Variants in GRID2 observed in about 807,000 individuals in gnomAD.
The protein encoded by GRID2 is glutamate ionotropic receptor delta type subunit 2.
A neutral mutation model predicts 114.8 loss-of-function variants in GRID2; 33 were observed. The observed-to-expected ratio is 0.29, with a 90% CI of 0.22 to 0.38. The LOEUF is 0.38. GRID2 is among the 10% of genes least tolerant of loss of function. The pLI, the probability that GRID2 is intolerant of heterozygous loss-of-function variation, is 1.00. For missense variants in GRID2, 1,184 were observed against 1,257.7 expected, an observed-to-expected ratio of 0.94 and a Z score of 0.89; for synonymous variants, 505 against 449.9, an observed-to-expected ratio of 1.12 and a Z score of -1.55.
intron 2 of GRID2, among the ~76,000 whole-genome samples, chr4:92,755,125 C>T (rs1014757524): frequency 2.0e-5 from 3 of 152,070 alleles, no homozygotes; most frequent in Non-Finnish European, 4.4e-5. Context: ...TGGCCTTTTC[C>T]CAGGGGTCTA....
intron 1 of GRID2, among the ~76,000 whole-genome samples, chr4:92,567,964 T>C (rs1727416929): frequency 6.6e-6 from 1 of 151,960 alleles, no homozygotes; most frequent in Admixed American, 6.6e-5. Flanking sequence ...AGTTAAGATA[T>C]GTAATGCATC....
At chr4:92,961,615 TC>T (rs1157705032) in intron 2 of GRID2, among the ~76,000 whole-genome samples, 1 of 151,726 alleles carries the variant, frequency 6.6e-6, no homozygotes, top group Non-Finnish European at 1.5e-5. Flanking sequence ...ATTTTGATTT[TC>T]TTCAATTTAA....
intron 1 of GRID2, among the ~76,000 whole-genome samples, chr4:92,357,191 C>T (rs934311034): frequency 1.3e-5 from 2 of 151,860 alleles, no homozygotes; most frequent in African/African-American, 2.4e-5. Flanking sequence ...TTATACCTAA[C>T]GTAAATGGTA....
At chr4:92,902,103 A>G (rs991562437) in intron 2 of GRID2, among the ~76,000 whole-genome samples, 1 of 152,104 alleles carries the variant, frequency 6.6e-6, no homozygotes, top group Non-Finnish European at 1.5e-5. Context: ...AACAGCAGAA[A>G]CCACAATTAC....
chr4:92,475,428 G>A (rs1220287297), intron 1 of GRID2, among the ~76,000 whole-genome samples: 3 of 151,410 alleles, frequency 2.0e-5, no homozygotes, highest in African/African-American at 7.3e-5. Flanking sequence ...TGAAGAGAAT[G>A]TCCTTTCCCC....
chr4:92,790,157 A>C (rs974253991), intron 2 of GRID2, among the ~76,000 whole-genome samples: 2 of 151,816 alleles, frequency 1.3e-5, no homozygotes, highest in African/African-American at 4.8e-5. Flanking sequence ...TATACATATA[A>C]GTATATACAC....
intron 14 of GRID2, among the ~76,000 whole-genome samples, chr4:93,658,008 A>G (rs1723166773): frequency 6.6e-6 from 1 of 152,214 alleles, no homozygotes; most frequent in East Asian, 1.9e-4. Context: ...ATTCATTTCT[A>G]CTTCCATTGG....
At chr4:93,707,398 G>A (rs1422212551) in intron 14 of GRID2, among the ~76,000 whole-genome samples, 2 of 151,984 alleles carry the variant, frequency 1.3e-5, no homozygotes, top group Non-Finnish European at 2.9e-5. Flanking sequence ...GATCTATTCA[G>A]GTTTTGAATT....
intron 13 of GRID2, among the ~76,000 whole-genome samples, chr4:93,594,159 T>C (rs1279462869): frequency 1.3e-5 from 2 of 151,924 alleles, no homozygotes; most frequent in Non-Finnish European, 2.9e-5. Flanking sequence ...AGTTTTTCTG[T>C]TCTGTCTTTT....
chr4:92,880,423 C>T (rs1035467928), intron 2 of GRID2, among the ~76,000 whole-genome samples: 1 of 152,148 alleles, frequency 6.6e-6, no homozygotes, highest in African/African-American at 2.4e-5. Flanking sequence ...TTTCCACCTT[C>T]TGACTAGATA....
intron 9 of GRID2, among the ~76,000 whole-genome samples, chr4:93,408,258 G>C (rs775481836): frequency 1.3e-5 from 2 of 152,210 alleles, no homozygotes; most frequent in South Asian, 2.1e-4. Flanking sequence ...GATGCACTTC[G>C]ATACACGTCT....
At chr4:92,331,645 A>G (rs1726894147) in intron 1 of GRID2, among the ~76,000 whole-genome samples, 1 of 152,180 alleles carries the variant, frequency 6.6e-6, no homozygotes. Flanking sequence ...AATTTATATA[A>G]AAAACAGTCA....
chr4:92,463,779 T>C (rs1465008331), intron 1 of GRID2, among the ~76,000 whole-genome samples: 1 of 152,022 alleles, frequency 6.6e-6, no homozygotes, highest in Non-Finnish European at 1.5e-5. Flanking sequence ...ACTATTTTAA[T>C]AGGTATTTAA....
At chr4:92,467,915 G>A (rs1009223403) in intron 1 of GRID2, among the ~76,000 whole-genome samples, 2 of 151,962 alleles carry the variant, frequency 1.3e-5, no homozygotes, top group Non-Finnish European at 2.9e-5. Flanking sequence ...TTGGAAATGA[G>A]TGATATGGAA....
intron 10 of GRID2, among the ~76,000 whole-genome samples, chr4:93,433,316 G>A (rs1468580345): frequency 6.6e-6 from 1 of 152,138 alleles, no homozygotes; most frequent in Non-Finnish European, 1.5e-5. Flanking sequence ...AGGTCTCAAA[G>A]TTTTCAGAGA....
intron 14 of GRID2, among the ~76,000 whole-genome samples, chr4:93,676,885 G>A (rs925657495): frequency 6.6e-6 from 1 of 152,100 alleles, no homozygotes; most frequent in African/African-American, 2.4e-5. Context: ...TTCCATCTGA[G>A]GTACCGGGTT....
intron 3 of GRID2, among the ~76,000 whole-genome samples, chr4:93,097,866 A>G (rs1366761238): frequency 6.6e-6 from 1 of 151,984 alleles, no homozygotes; most frequent in Non-Finnish European, 1.5e-5. Flanking sequence ...ATAATATTAA[A>G]TAAGTAGTCT....
chr4:92,536,286 C>T (rs1342844593), intron 1 of GRID2, among the ~76,000 whole-genome samples: 4 of 152,098 alleles, frequency 2.6e-5, no homozygotes, highest in African/African-American at 7.2e-5. Flanking sequence ...ATTAGCTAGA[C>T]ACAGAGTGCT....
chr4:92,867,041 G>A (rs151065134), intron 2 of GRID2, among the ~76,000 whole-genome samples: 40 of 152,068 alleles, frequency 2.6e-4, no homozygotes, highest in African/African-American at 9.2e-4. Flanking sequence ...CTTTTTGATG[G>A]CTTAGTAGTT....
Sources: gnomAD v4.1 joint callset for allele counts (sites outside exome capture counted in the v4.1 genomes callset) on GRCh38, gnomAD v4.1.1 for gene constraint, MANE v1.5 for transcripts, NCBI Gene and HGNC (gene_info 2026-07-23, HGNC 2026-07-21) for gene names.